The following IKZF3 variants were observed in gnomAD, a reference collection of about 807,000 sequenced individuals.
IKZF3 encodes the protein zinc finger protein Aiolos.
In IKZF3, 10 loss-of-function variants were observed where a neutral mutation model predicts 49.0. That is an observed-to-expected ratio of 0.20 (90% CI 0.13 to 0.35). The LOEUF is 0.35. Ranked by LOEUF, IKZF3 falls within the 10% of genes least tolerant of loss-of-function variation. IKZF3 has a pLI of 1.00. For missense variants in IKZF3, 498 were observed against 664.8 expected (o/e 0.75, Z 2.76); for synonymous variants, 209 against 228.2 (o/e 0.92, Z 0.76).
chr17:39,828,330 G>T (rs982283885), intron 3 of IKZF3, among the ~76,000 whole-genome samples: 3 of 152,156 alleles, frequency 2.0e-5, no homozygotes, highest in African/African-American at 7.2e-5. Flanking sequence ...TGTATGTATG[G>T]GAGTTGACTG....
intron 3 of IKZF3, among the ~76,000 whole-genome samples, chr17:39,828,870 G>A (rs879435156): frequency 5.7e-4 from 86 of 152,036 alleles, no homozygotes; most frequent in Non-Finnish European, 5.3e-4. Flanking sequence ...GCATGGTGGT[G>A]GGCGCCTGTA....
At chr17:39,808,770 G>A (rs984537599) in intron 3 of IKZF3, among the ~76,000 whole-genome samples, 1 of 152,174 alleles carries the variant, frequency 6.6e-6, no homozygotes, top group African/African-American at 2.4e-5. Flanking sequence ...TGAAGGACTA[G>A]AACCGGAAAA....
At chr17:39,774,802 G>A (rs560579142) in intron 7 of IKZF3, among the ~76,000 whole-genome samples, 1 of 152,200 alleles carries the variant, frequency 6.6e-6, no homozygotes, top group Admixed American at 6.5e-5. Flanking sequence ...GGGCTAATGC[G>A]ACTGTGTTTT....
chr17:39,773,316 C>T (rs1402159525), intron 7 of IKZF3, among the ~76,000 whole-genome samples: 1 of 152,228 alleles, frequency 6.6e-6, no homozygotes, highest in African/African-American at 2.4e-5. Flanking sequence ...AAGAGCCTCA[C>T]TGGTGGTTCC....
At chr17:39,800,574 T>C (rs892310020) in intron 3 of IKZF3, among the ~76,000 whole-genome samples, 1 of 152,152 alleles carries the variant, frequency 6.6e-6, no homozygotes, top group African/African-American at 2.4e-5. Context: ...CTAAACTTTC[T>C]AAAGGAGCTA....
chr17:39,804,276 G>C (rs2061387897), intron 3 of IKZF3, among the ~76,000 whole-genome samples: 1 of 151,952 alleles, frequency 6.6e-6, no homozygotes, highest in Non-Finnish European at 1.5e-5. Flanking sequence ...GTGAATCCCT[G>C]TCTCTACTAA....
intron 3 of IKZF3, among the ~76,000 whole-genome samples, chr17:39,825,657 A>G (rs1469228194): frequency 6.6e-6 from 1 of 152,212 alleles, no homozygotes; most frequent in Non-Finnish European, 1.5e-5. Flanking sequence ...TCCAGCAATG[A>G]CAACAATTGG....
intron 6 of IKZF3, among the ~76,000 whole-genome samples, chr17:39,786,453 G>A (rs1470230408): frequency 6.6e-6 from 1 of 152,124 alleles, no homozygotes; most frequent in Non-Finnish European, 1.5e-5. Context: ...CCTATTGTCT[G>A]AAATACAGAA....
intron 3 of IKZF3, among the ~76,000 whole-genome samples, chr17:39,793,925 C>G (rs1007311186): frequency 2.0e-5 from 3 of 152,104 alleles, no homozygotes; most frequent in Non-Finnish European, 2.9e-5. Context: ...CTAGTAAAAC[C>G]TAAAAATTTG....
intron 3 of IKZF3, among the ~76,000 whole-genome samples, chr17:39,807,658 G>A (rs1200216597): frequency 6.8e-6 from 1 of 146,190 alleles, no homozygotes; most frequent in Non-Finnish European, 1.5e-5. Flanking sequence ...ACCAGCCTAG[G>A]CAACACAGTG....
intron 3 of IKZF3, among the ~76,000 whole-genome samples, chr17:39,818,686 C>T (rs935730241): frequency 6.6e-5 from 10 of 151,906 alleles, no homozygotes; most frequent in African/African-American, 9.7e-5. Context: ...GGTAAAACCC[C>T]GTCTCTCCTA....
At position 39,784,021 on chromosome 17, in the gene IKZF3, A is replaced by G. The variant is rs115263009; in HGVS notation, c.709+4237T>C. ...ATTTTCTTTGGTCTGCTAAGTTGGT[A>G]AAAATGTAAGTTTATTCTGAAGCCC... On this transcript the variant is annotated intron_variant, in intron 6 of 7. Transcript: ENST00000346872. 7.5e-3 allele frequency among the ~76,000 whole-genome samples: 1,145 copies of G among 152,376 alleles called. 11 individuals are homozygous for G. Among genetic ancestry groups the G allele is most frequent in the African/African-American group, 0.026 (1,095 of 41,588 alleles).
chr17:39,783,568 C>T (rs973476676), intron 6 of IKZF3, among the ~76,000 whole-genome samples: 1 of 152,208 alleles, frequency 6.6e-6, no homozygotes, highest in African/African-American at 2.4e-5. Flanking sequence ...GATCCGCCCA[C>T]CTCAGCATCC....
At chr17:39,826,222 T>C (rs1208013114) in intron 3 of IKZF3, among the ~76,000 whole-genome samples, 1 of 152,186 alleles carries the variant, frequency 6.6e-6, no homozygotes, top group Non-Finnish European at 1.5e-5. Flanking sequence ...TTTAAATGTT[T>C]TGTAGAGACG....
intron 6 of IKZF3, among the ~76,000 whole-genome samples, chr17:39,779,414 T>C (rs1281039989): frequency 1.3e-5 from 2 of 152,120 alleles, no homozygotes; most frequent in Admixed American, 6.5e-5. Flanking sequence ...TGAGCCGAGA[T>C]TGAGCCATTG....
At chr17:39,800,534 T>G (rs1395021701) in intron 3 of IKZF3, among the ~76,000 whole-genome samples, 1 of 152,194 alleles carries the variant, frequency 6.6e-6, no homozygotes, top group East Asian at 1.9e-4. Flanking sequence ...ATGTCTAAAT[T>G]GAATCTAACC....
intron 3 of IKZF3, among the ~76,000 whole-genome samples, chr17:39,816,870 C>T (rs112774808): frequency 0.012 from 1,860 of 152,154 alleles, 42 homozygotes; most frequent in African/African-American, 0.043. Context: ...TGCGCCACCA[C>T]GCCCAGCTAA....
chr17:39,850,400 G>A (rs1445921064), intron 1 of IKZF3, among the ~76,000 whole-genome samples: 3 of 115,678 alleles, frequency 2.6e-5, no homozygotes, highest in Non-Finnish European at 3.3e-5. Context: ...CATATTGTAT[G>A]TATATATAAT....
At position 39,792,871 on chromosome 17, in the gene IKZF3, G is replaced by T. The variant is rs1451942379; in HGVS notation, c.226C>A (p.Pro76Thr). Residue 76 changes from proline to threonine, a missense_variant, in exon 4 of 8, where the codon CCC (proline) becomes ACC (threonine). By Grantham distance (38) the Pro-to-Thr change is conservative. Around this residue, in one of 3 missense-constraint regions of IKZF3, gnomAD observed 97 missense variants for 98.9 expected, o/e 0.98. Coordinates refer to ENST00000346872, the MANE Select transcript of IKZF3 (RefSeq NM_012481.5). ...TCAGGCTCTTCTGCATTTCCCATGG[G>T]TTCTGACTTTAAAACATTCTCATCT... ...ERDENVLKSEPMGNAEEPEIP... is the reference protein window; with the variant it reads ...ERDENVLKSETMGNAEEPEIP... 6.2e-7 allele frequency: 1 copy of T among 1,613,824 alleles called. No individual in the cohort carries two copies. Among genetic ancestry groups the T allele is most frequent in the Non-Finnish European group, 8.5e-7 (1 of 1,179,762 alleles).
Sources: gnomAD v4.1 joint callset for allele counts (sites outside exome capture counted in the v4.1 genomes callset) on GRCh38, gnomAD v4.1.1 for gene constraint, gnomAD v4.1.1 regional missense constraint, MANE v1.5 for transcripts, NCBI Gene and HGNC (gene_info 2026-07-23, HGNC 2026-07-21) for gene names.